The following OR1I1 variants were observed in gnomAD, a reference collection of about 807,000 sequenced individuals.
The protein encoded by OR1I1 is olfactory receptor family 1 subfamily I member 1.
For missense variants in OR1I1, 451 were observed against 443.6 expected (o/e 1.02, Z -0.15); for synonymous variants, 171 against 181.4 (o/e 0.94, Z 0.46).
Position 15,089,271 on chromosome 19 carries a change from CTT to C in OR1I1, c.*1139_*1140del, listed in dbSNP as rs1397753810. The C allele has an allele frequency of 6.6e-6, 1 of 152,138 alleles. No individual in the cohort carries two copies. Among genetic ancestry groups the C allele is most frequent in the Non-Finnish European group, 1.5e-5 (1 of 68,046 alleles). The allele number at this position is 152,138 out of a possible 1,614,324, so 9.4% of individuals were successfully genotyped here. ...CTTGTAACTATGACTGTGGTTGGGG[CTT>C]ACTTTCTCAATTCCCAACAGGCTTC... is the stretch of plus-strand genomic sequence containing the variant. On this transcript the variant is annotated 3_prime_UTR_variant, in exon 2 of 2. Coordinates refer to ENST00000641398, the MANE Select transcript of OR1I1 (RefSeq NM_001004713.2).
At position 15,085,168 on chromosome 19, in the gene OR1I1, A is replaced by AT. The variant is rs1568321900; in HGVS notation, c.-13-1884dup. On this transcript the variant is annotated intron_variant, in intron 1 of 1. Transcript: ENST00000641398. ...TATATATATATATATATATATATAT[A>AT]TATATATATTTTTTTTTTTGAGACA... 3.7e-4 allele frequency among the ~76,000 whole-genome samples: 7 copies of AT among 18,828 alleles called. 1 individual carries two copies. Among genetic ancestry groups the AT allele is most frequent in the African/African-American group, 7.6e-4 (6 of 7,898 alleles). The allele number at this position is 18,828 out of a possible 152,430, so 12.4% of individuals were successfully genotyped here. A position where few individuals can be genotyped will look rare whatever the true frequency, so the allele number is the denominator to read the frequency against.
Position 15,090,412 on chromosome 19 carries a change from C to G in OR1I1, c.*2279C>G, listed in dbSNP as rs1235996269. ...ATGGGATTTCACTATGTTGGCCAGACTGGTCTCAAACTCCTGGCCTCCAGT... is the reference window on the plus strand; with the variant it reads ...ATGGGATTTCACTATGTTGGCCAGAGTGGTCTCAAACTCCTGGCCTCCAGT... On this transcript the variant is annotated 3_prime_UTR_variant, in exon 2 of 2. Transcript: ENST00000641398. 6.6e-6 allele frequency: 1 copy of G among 151,926 alleles called. No homozygotes were observed. Among genetic ancestry groups the G allele is most frequent in the Non-Finnish European group, 1.5e-5 (1 of 68,016 alleles). 9.4% of individuals were successfully genotyped at this position (151,926 alleles called of 1,614,324 possible).
rs1437634346 is a variant in OR1I1, at chr19:15,089,586, G to C, written c.*1453G>C. ...ACCTGTAAACTCTGGCACTTTGGGA[G>C]GTTGAGTAGGGAGAATCATTTGAAG... On this transcript the variant is annotated 3_prime_UTR_variant, in exon 2 of 2. Transcript: ENST00000641398. 1 of 152,200 alleles carries C rather than the reference G, an allele frequency of 6.6e-6. No individual in the cohort carries two copies. Among genetic ancestry groups the C allele is most frequent in the South Asian group, 2.1e-4 (1 of 4,828 alleles). 9.4% of individuals were successfully genotyped at this position (152,200 alleles called of 1,614,324 possible).
chr19:15,090,605 GAGAC>G lies in OR1I1; in HGVS notation c.*2479_*2482del, dbSNP rs1327152711. 5 of 151,762 alleles carry G rather than the reference GAGAC, an allele frequency of 3.3e-5. No individual in the cohort carries two copies. Among genetic ancestry groups the G allele is most frequent in the African/African-American group, 9.7e-5 (4 of 41,322 alleles). The allele number at this position is 151,762 out of a possible 1,614,324, so 9.4% of individuals were successfully genotyped here. ...AATTTTTAAATTTTTTTTTCTTTTA[GAGAC>G]AGACAGGATCTACTGTGTCACCCAG... On this transcript the variant is annotated 3_prime_UTR_variant, in exon 2 of 2. Coordinates refer to ENST00000641398, the MANE Select transcript of OR1I1 (RefSeq NM_001004713.2).
chr19:15,084,207 T>C (rs2046219905), intron 1 of OR1I1, among the ~76,000 whole-genome samples: 1 of 152,196 alleles, frequency 6.6e-6, no homozygotes, highest in Non-Finnish European at 1.5e-5. Context: ...GTCTGCTCAC[T>C]GTAAATTGTA....
rs199682130 is a variant in OR1I1, at chr19:15,087,283, T to G, written c.218T>G (p.Leu73Ter). Reference sequence around the variant, plus strand: ...AACCTCTCACTCGTTGACACCCTATTATCCTCCACCACCGTCCCCAAGATG... The same window carrying G: ...AACCTCTCACTCGTTGACACCCTATGATCCTCCACCACCGTCCCCAAGATG... ...LFNLSLVDTLLSSTTVPKMLA... is the reference protein window; with the variant it reads ...LFNLSLVDTL The change falls in exon 2 of 2, where the codon TTA becomes TGA. Residue 73 changes from leucine (L) to a stop codon, truncating the protein, a stop_gained. Coordinates refer to ENST00000641398, the MANE Select transcript of OR1I1 (RefSeq NM_001004713.2). LOFTEE classifies it low-confidence loss of function (END_TRUNC). The G allele has an allele frequency of 6.2e-7, 1 of 1,614,042 alleles. No individual in the cohort carries two copies. Among genetic ancestry groups the G allele is most frequent in the East Asian group, 2.2e-5 (1 of 44,870 alleles).
chr19:15,084,267 A>G (rs931602721), intron 1 of OR1I1, among the ~76,000 whole-genome samples: 11 of 152,054 alleles, frequency 7.2e-5, no homozygotes, highest in Non-Finnish European at 1.5e-4. Context: ...TGCATTAAGA[A>G]ACTGGCTCCT....
intron 1 of OR1I1, among the ~76,000 whole-genome samples, chr19:15,085,174 A>ATTTT (rs1188702949): frequency 8.8e-4 from 50 of 56,858 alleles, no homozygotes; most frequent in Non-Finnish European, 1.2e-3. Context: ...ATATATATAT[A>ATTTT]TATTTTTTTT....
Position 15,085,134 on chromosome 19 carries a change from A to T in OR1I1, c.-13-1919A>T, listed in dbSNP as rs867520487. Among the ~76,000 whole-genome samples the T allele has an allele frequency of 7.6e-3, 37 of 4,860 alleles. No homozygotes were observed. In the South Asian group the frequency reaches 0.17, roughly 22 times the overall value. The allele number at this position is 4,860 out of a possible 152,430, so 3.2% of individuals were successfully genotyped here. ...TATGTTCAATGCATTTTTGACTTATATATATATATATATATATATATATAT... is the reference window on the plus strand; with the variant it reads ...TATGTTCAATGCATTTTTGACTTATTTATATATATATATATATATATATAT... On this transcript the variant is annotated intron_variant, in intron 1 of 1. Coordinates refer to ENST00000641398, the MANE Select transcript of OR1I1 (RefSeq NM_001004713.2).
Position 15,088,349 on chromosome 19 carries a change from C to G in OR1I1, c.*216C>G, listed in dbSNP as rs1316566812. 1.8e-6 allele frequency: 1 copy of G among 540,566 alleles called. No homozygotes were observed. The highest frequency in any genetic ancestry group is 3.5e-5 in the Admixed American group (1 of 28,912). 33.5% of individuals were successfully genotyped at this position (540,566 alleles called of 1,614,324 possible). On this transcript the variant is annotated 3_prime_UTR_variant, in exon 2 of 2. Transcript: ENST00000641398. ...GTTGAAAACAAGAGACGTAGCTACA[C>G]TCATTTTAGTATTGACAAAGGCCAG... is the stretch of plus-strand genomic sequence containing the variant.
chr19:15,088,951 T>TGATAGATAGATAGATAGATAGATAGATA lies in OR1I1; in HGVS notation c.*822_*849dup, dbSNP rs60185874. 8.2e-5 allele frequency: 12 copies of TGATAGATAGATAGATAGATAGATAGATA among 145,854 alleles called. No individual in the cohort carries two copies. Among genetic ancestry groups the TGATAGATAGATAGATAGATAGATAGATA allele is most frequent in the East Asian group, 2.1e-4 (1 of 4,802 alleles). 9.0% of individuals were successfully genotyped at this position (145,854 alleles called of 1,614,324 possible). A position where few individuals can be genotyped will look rare whatever the true frequency, so the allele number is the denominator to read the frequency against. ...TAGATAGATCATATAAGTAGATAGATGATAGATAGATAGATAGATAGATAG... is the reference window on the plus strand; with the variant it reads ...TAGATAGATCATATAAGTAGATAGATGATAGATAGATAGATAGATAGATAGATAGATAGATAGATAGATAGATAGATAG... On this transcript the variant is annotated 3_prime_UTR_variant, in exon 2 of 2. Coordinates refer to ENST00000641398, the MANE Select transcript of OR1I1 (RefSeq NM_001004713.2).
rs1163287133 is a variant in OR1I1, at chr19:15,082,807, T to C, written c.-14+531T>C. On this transcript the variant is annotated intron_variant, in intron 1 of 1. Coordinates refer to ENST00000641398, the MANE Select transcript of OR1I1 (RefSeq NM_001004713.2). ...GGGGCGGGGGGATTGTTTTGTTTGT[T>C]TGTTTGTTCTTTCTGTTTTTGAGAC... Among the ~76,000 whole-genome samples, 3 of 151,802 alleles carry C rather than the reference T, an allele frequency of 2.0e-5. No homozygotes were observed. The South Asian group carries it at 6.2e-4, about 32-fold the overall frequency.
chr19:15,091,854 AGTTTGTAATTT>A lies in OR1I1; in HGVS notation c.*3722_*3732del. The A allele has an allele frequency of 7.6e-6, 1 of 132,442 alleles. No homozygotes were observed. The highest frequency in any genetic ancestry group is 2.7e-5 in the African/African-American group (1 of 37,238). The allele number at this position is 132,442 out of a possible 1,614,324, so 8.2% of individuals were successfully genotyped here. On this transcript the variant is annotated 3_prime_UTR_variant, in exon 2 of 2. Transcript: ENST00000641398. ...AAAAAAAAAAAAAAAAAAAAAAAAAAGTTTGTAATTTAAAAGTTTGAGCATCACTGGGCTAG... is the reference window on the plus strand; with the variant it reads ...AAAAAAAAAAAAAAAAAAAAAAAAAAAAAAGTTTGAGCATCACTGGGCTAG...
chr19:15,088,054 C>A lies in OR1I1; in HGVS notation c.989C>A (p.Ala330Asp). The A allele has an allele frequency of 3.7e-6, 6 of 1,600,436 alleles. No individual in the cohort carries two copies. The highest frequency in any genetic ancestry group is 5.1e-6 in the Non-Finnish European group (6 of 1,170,480). Residue 330 changes from alanine (A) to aspartate (D), a missense_variant, in exon 2 of 2, where the codon GCT becomes GAT. Ala to Asp is a moderately radical substitution (Grantham distance 126). Coordinates refer to ENST00000641398, the MANE Select transcript of OR1I1 (RefSeq NM_001004713.2). ...TATCATGTTCCAGGATCACTGTTGG[C>A]TGCTAGGGACACAGAGATGCATCCC... ...DVYHVPGSLLAARDTEMHPIP... is the reference protein window; with the variant it reads ...DVYHVPGSLLDARDTEMHPIP...
Position 15,090,961 on chromosome 19 carries a change from C to T in OR1I1, c.*2828C>T, listed in dbSNP as rs1255739202. On this transcript the variant is annotated 3_prime_UTR_variant, in exon 2 of 2. Transcript: ENST00000641398. ...TAGTTTAAGAAATGTCAGCAACCTA[C>T]AAAACCTACAAAGTGTCCCAGTACA... The T allele has an allele frequency of 7.2e-5, 11 of 152,204 alleles. No individual in the cohort carries two copies. The highest frequency in any genetic ancestry group is 2.7e-4 in the African/African-American group (11 of 41,452). 9.4% of individuals were successfully genotyped at this position (152,204 alleles called of 1,614,324 possible).
At chr19:15,085,177 T>TATGTTTTG (rs1491455089) in intron 1 of OR1I1, among the ~76,000 whole-genome samples, 1 of 45,852 alleles carries the variant, frequency 2.2e-5, no homozygotes, top group Admixed American at 2.4e-4. Context: ...TATATATATA[T>TATGTTTTG]TTTTTTTTTT....
rs1258314229 is a variant in OR1I1, at chr19:15,088,701, TAGATAGATAGAC to T, written c.*572_*583del. On this transcript the variant is annotated 3_prime_UTR_variant, in exon 2 of 2. Transcript: ENST00000641398. ...ATAGATAGATAGATAGATAGATAGA[TAGATAGATAGAC>T]AGACAGATAGATAGAGAGGATAAGA... 1.6e-4 allele frequency: 9 copies of T among 55,190 alleles called. No individual in the cohort carries two copies. Among genetic ancestry groups the T allele is most frequent in the African/African-American group, 3.8e-4 (9 of 23,526 alleles). The allele number at this position is 55,190 out of a possible 1,614,324, so 3.4% of individuals were successfully genotyped here.
Position 15,088,351 on chromosome 19 carries a change from C to A in OR1I1, c.*218C>A. The A allele has an allele frequency of 1.9e-6, 1 of 532,494 alleles. No individual in the cohort carries two copies. Among genetic ancestry groups the A allele is most frequent in the Non-Finnish European group, 3.3e-6 (1 of 307,366 alleles). 33.0% of individuals were successfully genotyped at this position (532,494 alleles called of 1,614,324 possible). A position where few individuals can be genotyped will look rare whatever the true frequency, so the allele number is the denominator to read the frequency against. ...TGAAAACAAGAGACGTAGCTACACT[C>A]ATTTTAGTATTGACAAAGGCCAGGT... On this transcript the variant is annotated 3_prime_UTR_variant, in exon 2 of 2. Coordinates refer to ENST00000641398, the MANE Select transcript of OR1I1 (RefSeq NM_001004713.2).
chr19:15,085,177 T>TA (rs1491455089), intron 1 of OR1I1, among the ~76,000 whole-genome samples: 29 of 45,830 alleles, frequency 6.3e-4, no homozygotes, highest in Non-Finnish European at 9.9e-4. Flanking sequence ...TATATATATA[T>TA]TTTTTTTTTT....
Sources: gnomAD v4.1 joint callset for allele counts (sites outside exome capture counted in the v4.1 genomes callset) on GRCh38, gnomAD v4.1.1 for gene constraint, MANE v1.5 for transcripts, NCBI Gene and HGNC (gene_info 2026-07-23, HGNC 2026-07-21) for gene names.